The following STRA6 variants were observed in gnomAD, a reference collection of about 807,000 sequenced individuals.
STRA6 encodes signaling receptor and transporter of retinol STRA6, also known as receptor for retinol uptake STRA6.
STRA6 carries 48 observed loss-of-function variants against 83.6 expected under a neutral mutation model. That is an observed-to-expected ratio of 0.57 (90% CI 0.46 to 0.73). The LOEUF (loss-of-function observed/expected upper bound fraction) is 0.73, where lower values mean the gene tolerates loss of function less well. Among genes scored for constraint, STRA6 ranks in the 30% least tolerant of loss-of-function variants. The pLI is 0.00. For synonymous variants in STRA6, 353 were observed against 362.3 expected (o/e 0.97, Z 0.29); for missense variants, 760 against 838.8 (o/e 0.91, Z 1.16).
chr15:74,183,719 C>A (rs1013349817), intron 14 of STRA6, 137 bp downstream of exon 14: 165 of 1,590,200 alleles, frequency 1.0e-4, no homozygotes, highest in Non-Finnish European at 1.4e-4. Flanking sequence ...GGGGTCCCTC[C>A]TTCTTGCTGC....
At chr15:74,209,303 G>A (rs2074331438), upstream of STRA6, 1 of 1,442,136 alleles carries the variant, frequency 6.9e-7, no homozygotes, top group South Asian at 1.2e-5. Context: ...ACAGGGCTTT[G>A]ATGGCTGAGT....
chr15:74,196,812 C>T (rs351220), intron 4 of STRA6, among the ~76,000 whole-genome samples: 72,957 of 152,074 alleles, frequency 0.48, 18,794 homozygotes, highest in African/African-American at 0.65. Flanking sequence ...TCACCTGCCC[C>T]AACCCTTTGG....
At chr15:74,205,518 C>G (rs2074240246), upstream of STRA6, among the ~76,000 whole-genome samples, 1 of 152,192 alleles carries the variant, frequency 6.6e-6, no homozygotes, top group Admixed American at 6.5e-5. Flanking sequence ...GGGAGGGCAC[C>G]AAGCCATTCA....
Position 74,191,486 on chromosome 15 carries a change from C to T in STRA6, c.726G>A (p.Leu242=), listed in dbSNP as rs778174510. Residue 242 remains leucine, a synonymous_variant, in exon 9 of 19, where the codon CTG becomes CTA. Coordinates refer to ENST00000395105, the MANE Select transcript of STRA6 (RefSeq NM_022369.4). ...GATATTCCTCAGAGTAGCTGCTCTG[C>T]AGCCCCTGTGGAGACAGACAATTGA... The part of the protein sequence containing the change: ...SRRTGAGSKG[L]QSSYSEEYLR... The T allele has an allele frequency of 6.2e-7, 1 of 1,614,014 alleles. No homozygotes were observed. The highest frequency in any genetic ancestry group is 2.2e-5 in the East Asian group (1 of 44,870).
At position 74,196,252 on chromosome 15, in the gene STRA6, T is replaced by C. The variant is rs956220015; in HGVS notation, c.267-105A>G. On this transcript the variant is annotated intron_variant, in intron 4 of 18. Coordinates refer to ENST00000395105, the MANE Select transcript of STRA6 (RefSeq NM_022369.4). ...ATCAAGGAGGTGGAGTCAGTCCCAC[T>C]TTCTAGATGGGGGAATAAGGCCCCT... 89 of 1,503,200 alleles carry C rather than the reference T, an allele frequency of 5.9e-5. No individual in the cohort carries two copies. In the Middle Eastern group the frequency reaches 6.8e-4, roughly 11 times the overall value. The allele number at this position is 1,503,200 out of a possible 1,614,324, so 93.1% of individuals were successfully genotyped here. A position where few individuals can be genotyped will look rare whatever the true frequency, so the allele number is the denominator to read the frequency against.
intron 7 of STRA6, 175 bp downstream of exon 7, chr15:74,195,127 C>T: frequency 6.7e-7 from 1 of 1,498,530 alleles, no homozygotes; most frequent in Non-Finnish European, 8.9e-7. Context: ...TTCCCTGCCT[C>T]TCCTGCAGAG....
At chr15:74,209,423 A>T, upstream of STRA6, 1 of 1,535,606 alleles carries the variant, frequency 6.5e-7, no homozygotes, top group Non-Finnish European at 8.7e-7. Flanking sequence ...GAGGGGAACC[A>T]CCAGCTCGGC....
At chr15:74,184,094 A>G (rs1432949800) in intron 13 of STRA6, 105 bp from the exon 14 acceptor site, 1 of 1,523,760 alleles carries the variant, frequency 6.6e-7, no homozygotes, top group African/African-American at 1.4e-5. Flanking sequence ...ATTTCAACTC[A>G]CAGCCATCAG....
Position 74,196,125 on chromosome 15 carries a change from C to G in STRA6, c.289G>C (p.Asp97His), listed in dbSNP as rs764833055. 5.0e-6 allele frequency: 8 copies of G among 1,613,944 alleles called. No individual in the cohort carries two copies. In the Admixed American group the frequency reaches 1.2e-4, roughly 24 times the overall value. Residue 97 changes from aspartate to histidine, a missense_variant, in exon 5 of 19, where the codon GAC becomes CAC. By Grantham distance (81) the Asp-to-His change is moderately conservative. Transcript: ENST00000395105. ...LPSPVDFLAG[D>H]RPRAVPAAVF... ...GCAGCAGGCACTGCCCGGGGCCTGT[C>G]CCCAGCCAAGAAATCCACAGGGCTA...
At chr15:74,184,884 C>G in intron 13 of STRA6, 96 bp downstream of exon 13, 1 of 1,281,118 alleles carries the variant, frequency 7.8e-7, no homozygotes, top group Admixed American at 1.9e-5. Context: ...CGGCAGAGCC[C>G]TTCCCTCCCT....
At chr15:74,200,003 G>A (rs1459515576) in intron 2 of STRA6, among the ~76,000 whole-genome samples, 2 of 152,186 alleles carry the variant, frequency 1.3e-5, no homozygotes, top group African/African-American at 4.8e-5. Flanking sequence ...GATCAACCAA[G>A]GTCAAGAGTT....
At chr15:74,203,198 C>T, upstream of STRA6, 2 of 977,804 alleles carry the variant, frequency 2.0e-6, no homozygotes, top group Non-Finnish European at 2.4e-6. Flanking sequence ...ACATGTGTCT[C>T]ATTGGTAAAC....
rs1034894464 is a variant in STRA6 at position 74,188,776 on chromosome 15, C to T, written c.1090+339G>A. Among the ~76,000 whole-genome samples the T allele has an allele frequency of 3.3e-5, 5 of 152,162 alleles. No homozygotes were observed. The highest frequency in any genetic ancestry group is 1.2e-4 in the African/African-American group (5 of 41,446). ...AGAAATCCTCACCATCTCCCTTCGC[C>T]GTCTCTTCCCTCCTTCCCCACCCTC... On this transcript the variant is annotated intron_variant, in intron 12 of 18. Transcript: ENST00000395105. This position sits in a 1 kb window ranked among gnomAD's most constrained non-coding sequence, Gnocchi z 4.5.
chr15:74,199,660 C>T (rs351216), intron 2 of STRA6, among the ~76,000 whole-genome samples: 13 of 152,214 alleles, frequency 8.5e-5, no homozygotes, highest in African/African-American at 2.9e-4. Context: ...CTGGCCCTTT[C>T]TGTATCACCT....
chr15:74,211,153 GCACACACACACACACA>G (rs71137380), upstream of STRA6, among the ~76,000 whole-genome samples: 1 of 148,684 alleles, frequency 6.7e-6, no homozygotes, highest in South Asian at 2.2e-4. Context: ...GCACGCACAC[GCACACACACACACACA>G]CACACACACA....
chr15:74,191,295 G>A, intron 9 of STRA6, 52 bp from the exon 10 acceptor site: 2 of 1,611,536 alleles, frequency 1.2e-6, no homozygotes, highest in South Asian at 2.2e-5. Flanking sequence ...CCCATTCCCT[G>A]AGGGCCAGCC....
intron 2 of STRA6, among the ~76,000 whole-genome samples, chr15:74,198,846 A>C (rs1185288873): frequency 6.6e-6 from 1 of 152,224 alleles, no homozygotes; most frequent in Admixed American, 6.5e-5. Flanking sequence ...GGCTGAGCGC[A>C]GAGGTAAACC....
At chr15:74,202,399 C>G in intron 1 of STRA6, 117 bp from the exon 2 acceptor site, 3 of 1,541,856 alleles carry the variant, frequency 1.9e-6, no homozygotes, top group South Asian at 1.2e-5. Context: ...CTCTTTAATC[C>G]TGAAGGTTAC....
chr15:74,180,321 A>T, intron 18 of STRA6, 78 bp from the exon 19 acceptor site: 2 of 1,579,904 alleles, frequency 1.3e-6, no homozygotes, highest in Non-Finnish European at 1.7e-6. Context: ...CTGATCAGAG[A>T]GCCTGAAAAT....
Sources: allele counts gnomAD v4.1 joint callset (sites outside exome capture counted in the v4.1 genomes callset), GRCh38; gene constraint gnomAD v4.1.1; non-coding constraint Gnocchi (gnomAD v3.1); transcripts MANE v1.5; gene names NCBI Gene and HGNC (gene_info 2026-07-23, HGNC 2026-07-21).